TRIM37: variants seen among roughly 807,000 people sequenced by gnomAD.
TRIM37 encodes E3 ubiquitin-protein ligase TRIM37.
A neutral mutation model predicts 129.8 loss-of-function variants in TRIM37; 80 were observed. The observed-to-expected ratio is 0.62, with a 90% CI of 0.51 to 0.74. The LOEUF (loss-of-function observed/expected upper bound fraction) is 0.74. TRIM37 is among the 30% of genes least tolerant of loss of function. The probability of loss-of-function intolerance (pLI) is 0.00; values close to 1 mark genes in which losing one functional copy is unlikely to be tolerated. For missense variants in TRIM37, 1,054 were observed against 1,176.5 expected (o/e 0.90, Z 1.52); for synonymous variants, 389 against 387.1 (o/e 1.00, Z -0.06).
At chr17:59,105,942 C>A (rs150151500) in intron 1 of TRIM37, among the ~76,000 whole-genome samples, 1 of 152,070 alleles carries the variant, frequency 6.6e-6, no homozygotes, top group Admixed American at 6.6e-5. Flanking sequence ...TTACAAGAAT[C>A]AGTTATAAAA....
chr17:59,085,741 T>A (rs377596601), intron 4 of TRIM37, among the ~76,000 whole-genome samples: 15 of 152,162 alleles, frequency 9.9e-5, no homozygotes, highest in African/African-American at 3.6e-4. Flanking sequence ...GACATGAACA[T>A]CCATAGTCAT....
intron 17 of TRIM37, among the ~76,000 whole-genome samples, chr17:59,039,343 G>A (rs2038901646): frequency 6.7e-6 from 1 of 149,304 alleles, no homozygotes; most frequent in African/African-American, 2.4e-5. Flanking sequence ...CTGTCAGGAT[G>A]GCCAGTCTTT....
At chr17:59,027,212 A>T (rs1358319152) in intron 19 of TRIM37, among the ~76,000 whole-genome samples, 1 of 152,210 alleles carries the variant, frequency 6.6e-6, no homozygotes, top group Non-Finnish European at 1.5e-5. Flanking sequence ...ATGTTTAAAA[A>T]AGAATACCCA....
At chr17:58,972,976 C>T in the TRIM37 span, 21 of 1,314,724 alleles carry the variant, frequency 1.6e-5, no homozygotes, top group South Asian at 2.2e-4. Flanking sequence ...CTAGCTCATT[C>T]TCCTGTATCA....
intron 22 of TRIM37, among the ~76,000 whole-genome samples, chr17:59,011,505 A>G (rs1362246708): frequency 2.0e-5 from 3 of 152,194 alleles, no homozygotes; most frequent in Non-Finnish European, 4.4e-5. Flanking sequence ...GCAGAGGTGG[A>G]AGGTGGTGGA....
rs978604818 is a variant in TRIM37 at position 59,106,561 on chromosome 17, G to A, written c.-100C>T. On this transcript the variant is annotated 5_prime_UTR_variant, in exon 1 of 24. Coordinates refer to ENST00000262294, the MANE Select transcript of TRIM37 (RefSeq NM_015294.6). ...TCGCCAGATCAAATCGCCGATAAAA[G>A]CCCGGCGCCCACGTCAGGGGGCTCT... 1.8e-4 allele frequency: 264 copies of A among 1,460,226 alleles called. No homozygotes were observed. In the African/African-American group the frequency reaches 3.1e-3, roughly 17 times the overall value. 90.5% of individuals were successfully genotyped at this position (1,460,226 alleles called of 1,614,324 possible). A position where few individuals can be genotyped will look rare whatever the true frequency, so the allele number is the denominator to read the frequency against.
At chr17:59,052,826 G>T (rs2040475979) in intron 13 of TRIM37, among the ~76,000 whole-genome samples, 1 of 152,050 alleles carries the variant, frequency 6.6e-6, no homozygotes, top group Non-Finnish European at 1.5e-5. Context: ...ATGGTGGCGG[G>T]CGCCTGTAAT....
At chr17:59,049,746 C>T (rs975265276) in intron 14 of TRIM37, among the ~76,000 whole-genome samples, 10 of 152,122 alleles carry the variant, frequency 6.6e-5, no homozygotes, top group African/African-American at 2.4e-4. Flanking sequence ...GTTCCTCTGG[C>T]CTCGGCCTCC....
intron 2 of TRIM37, among the ~76,000 whole-genome samples, chr17:59,100,250 C>T (rs1170101895): frequency 6.6e-6 from 1 of 152,140 alleles, no homozygotes; most frequent in Non-Finnish European, 1.5e-5. Context: ...TCTATCCGTT[C>T]CATTACTAAT....
At chr17:58,993,338 C>T (rs2032642906), downstream of TRIM37, among the ~76,000 whole-genome samples, 1 of 152,186 alleles carries the variant, frequency 6.6e-6, no homozygotes, top group African/African-American at 2.4e-5. Context: ...TAAAAGCTTA[C>T]ACTCACACAA....
At chr17:59,067,387 G>A (rs1451566424) in intron 9 of TRIM37, among the ~76,000 whole-genome samples, 1 of 152,118 alleles carries the variant, frequency 6.6e-6, no homozygotes, top group African/African-American at 2.4e-5. Context: ...CACAGAATAT[G>A]GGAAACTACC....
At chr17:59,001,879 C>T in intron 22 of TRIM37, 165 bp from the exon 23 acceptor site, 1 of 1,000,790 alleles carries the variant, frequency 1.0e-6, no homozygotes, top group South Asian at 1.5e-5. Context: ...AGTAACCGCA[C>T]AAACCTCGAT....
chr17:59,019,578 C>T (rs1434370742), intron 19 of TRIM37, among the ~76,000 whole-genome samples: 2 of 152,044 alleles, frequency 1.3e-5, no homozygotes, highest in African/African-American at 2.4e-5. Context: ...CATGGTGGCG[C>T]ACACCTGTAG....
At chr17:59,090,330 T>C (rs2044176654) in intron 3 of TRIM37, among the ~76,000 whole-genome samples, 2 of 151,894 alleles carry the variant, frequency 1.3e-5, no homozygotes, top group South Asian at 4.2e-4. Context: ...AAAAGCAAAC[T>C]GCAAAACAAT....
chr17:59,026,822 C>T (rs776952339), intron 19 of TRIM37, among the ~76,000 whole-genome samples: 2 of 152,234 alleles, frequency 1.3e-5, no homozygotes, highest in Non-Finnish European at 2.9e-5. Flanking sequence ...TGCCTTGACA[C>T]TTCTCAGTGA....
chr17:58,999,759 GAAC>G (rs2144422118), intron 23 of TRIM37, among the ~76,000 whole-genome samples: 1 of 152,238 alleles, frequency 6.6e-6, no homozygotes, highest in South Asian at 2.1e-4. Flanking sequence ...CTTAAAAAGG[GAAC>G]AAGAAGCAAT....
intron 24 of TRIM37, among the ~76,000 whole-genome samples, chr17:58,988,841 A>G (rs1014380606): frequency 6.6e-6 from 1 of 152,220 alleles, no homozygotes; most frequent in African/African-American, 2.4e-5. Flanking sequence ...AGCAAATCCA[A>G]TCTTGAACCA....
downstream of TRIM37, chr17:58,980,635 A>G (rs145669199): frequency 6.2e-7 from 1 of 1,614,200 alleles, no homozygotes; most frequent in African/African-American, 1.3e-5. The surrounding 1 kb of genome is among the most constrained non-coding windows in gnomAD (Gnocchi z 4.7). Context: ...GTGGTGCTGG[A>G]GAGTTTCCCA....
chr17:59,003,168 T>G (rs1282527126), intron 22 of TRIM37, among the ~76,000 whole-genome samples: 1 of 152,328 alleles, frequency 6.6e-6, no homozygotes, highest in Admixed American at 6.5e-5. Context: ...TGAGCCACCA[T>G]GCCTGGCCAA....
Sources: gnomAD v4.1 joint callset for allele counts (sites outside exome capture counted in the v4.1 genomes callset) on GRCh38, gnomAD v4.1.1 for gene constraint, Gnocchi (gnomAD v3.1) non-coding constraint, MANE v1.5 for transcripts, NCBI Gene and HGNC (gene_info 2026-07-23, HGNC 2026-07-21) for gene names.